The following AGBL1 variants were observed in gnomAD, a reference collection of about 807,000 sequenced individuals.
AGBL1 encodes AGBL carboxypeptidase 1.
Under a neutral mutation model 118.9 loss-of-function variants are expected in AGBL1, and 130 were observed. That is an observed-to-expected ratio of 1.09 (90% confidence interval 0.95 to 1.26). The LOEUF is 1.26. Ranked by LOEUF, AGBL1 falls within the 50% of genes most tolerant of loss-of-function variation. The pLI, the probability that AGBL1 is intolerant of heterozygous loss-of-function variation, is 0.00. For missense variants in AGBL1, 1,584 were observed against 1,298.1 expected, an observed-to-expected ratio of 1.22 and a Z score of -3.38; for synonymous variants, 555 against 478.9, an observed-to-expected ratio of 1.16 and a Z score of -2.08.
chr15:86,800,830 G>C (rs2078639026), intron 22 of AGBL1, among the ~76,000 whole-genome samples: 1 of 152,088 alleles, frequency 6.6e-6, no homozygotes, highest in Non-Finnish European at 1.5e-5. Context: ...TAAAGAAATG[G>C]AGACTGGCCC....
At chr15:86,454,214 T>C (rs2142074435) in intron 18 of AGBL1, among the ~76,000 whole-genome samples, 1 of 152,326 alleles carries the variant, frequency 6.6e-6, no homozygotes, top group Middle Eastern at 3.4e-3. Context: ...GAGAGTCCTA[T>C]GCCTGTCCAC....
chr15:86,532,208 A>G (rs2083359568), intron 19 of AGBL1, among the ~76,000 whole-genome samples: 1 of 149,346 alleles, frequency 6.7e-6, no homozygotes, highest in Admixed American at 6.6e-5. Context: ...TATCTAGAAA[A>G]CCCCATCATC....
intron 22 of AGBL1, among the ~76,000 whole-genome samples, chr15:86,762,389 C>T (rs1196402796): frequency 6.6e-6 from 1 of 151,838 alleles, no homozygotes; most frequent in African/African-American, 2.4e-5. Flanking sequence ...AAAAAATACC[C>T]CCTGCCCCCT....
At chr15:86,176,252 C>G (rs2077480226) in intron 5 of AGBL1, among the ~76,000 whole-genome samples, 1 of 152,140 alleles carries the variant, frequency 6.6e-6, no homozygotes, top group Admixed American at 6.5e-5. Flanking sequence ...CCCAAACTGG[C>G]AAGCATTATT....
At chr15:86,323,225 C>T (rs764085832) in intron 17 of AGBL1, among the ~76,000 whole-genome samples, 2 of 150,978 alleles carry the variant, frequency 1.3e-5, no homozygotes, top group Non-Finnish European at 2.9e-5. Context: ...AATGAGGGCA[C>T]CTCATCCACC....
At chr15:86,867,019 G>C (rs983530566) in intron 22 of AGBL1, among the ~76,000 whole-genome samples, 2 of 152,164 alleles carry the variant, frequency 1.3e-5, no homozygotes, top group Non-Finnish European at 2.9e-5. Context: ...GAGATGGTGA[G>C]ACACTCCTAG....
intron 18 of AGBL1, among the ~76,000 whole-genome samples, chr15:86,502,803 A>G (rs550331190): frequency 6.6e-6 from 1 of 151,338 alleles, no homozygotes; most frequent in East Asian, 1.9e-4. Flanking sequence ...CTTTTTTATA[A>G]GTTGTTAGAT....
intron 18 of AGBL1, among the ~76,000 whole-genome samples, chr15:86,499,657 T>C (rs574113136): frequency 6.6e-6 from 1 of 151,938 alleles, no homozygotes; most frequent in Non-Finnish European, 1.5e-5. Flanking sequence ...AGTTCAATTC[T>C]GGACTGGTCC....
intron 17 of AGBL1, among the ~76,000 whole-genome samples, chr15:86,390,879 A>G (rs938339153): frequency 2.0e-5 from 3 of 151,976 alleles, no homozygotes; most frequent in Non-Finnish European, 4.4e-5. Context: ...CATGTTGGCC[A>G]GGCTAGTCTT....
intron 21 of AGBL1, among the ~76,000 whole-genome samples, chr15:86,612,843 CT>C (rs1486808662): frequency 1.3e-5 from 2 of 152,148 alleles, no homozygotes; most frequent in African/African-American, 2.4e-5. Flanking sequence ...TGACAAGAAC[CT>C]TGGCTTCTGC....
At chr15:86,274,059 A>G (rs1044714589) in intron 15 of AGBL1, among the ~76,000 whole-genome samples, 1 of 152,214 alleles carries the variant, frequency 6.6e-6, no homozygotes, top group East Asian at 1.9e-4. Context: ...TATACATTTA[A>G]AAAAGTGTAT....
At chr15:86,854,736 T>C (rs2079454333) in intron 22 of AGBL1, among the ~76,000 whole-genome samples, 1 of 152,220 alleles carries the variant, frequency 6.6e-6, no homozygotes, top group Non-Finnish European at 1.5e-5. Flanking sequence ...TGACTCTTCA[T>C]GCAATTGCTT....
rs57292230 is a variant in AGBL1 at position 86,913,228 on chromosome 15, C to CACACAT, written c.*5934_*5935insACACAT. 6.7e-6 allele frequency: 1 copy of CACACAT among 149,596 alleles called. No individual in the cohort carries two copies. Among genetic ancestry groups the CACACAT allele is most frequent in the East Asian group, 1.9e-4 (1 of 5,132 alleles). The allele number at this position is 149,596 out of a possible 1,614,324, so 9.3% of individuals were successfully genotyped here. On this transcript the variant is annotated 3_prime_UTR_variant, in exon 23 of 23. Transcript: ENST00000614907. ...ACACACACACACACACACACACACA[C>CACACAT]GGCACAGGGCTTTAAGCATAACAAT...
chr15:86,300,446 G>T (rs560996990), intron 17 of AGBL1, among the ~76,000 whole-genome samples: 2 of 152,252 alleles, frequency 1.3e-5, no homozygotes, highest in African/African-American at 2.4e-5. Context: ...GAATGAATTT[G>T]TGGGAATTTT....
intron 18 of AGBL1, among the ~76,000 whole-genome samples, chr15:86,414,610 G>A (rs886797316): frequency 4.6e-5 from 7 of 152,102 alleles, no homozygotes; most frequent in Non-Finnish European, 1.0e-4. Context: ...TCTTTTAATT[G>A]TAGAAATGTT....
chr15:86,360,419 C>T (rs1173927117), intron 17 of AGBL1, among the ~76,000 whole-genome samples: 2 of 150,498 alleles, frequency 1.3e-5, no homozygotes, highest in Non-Finnish European at 3.0e-5. Context: ...GGTCATGGTG[C>T]ATGATCCCTT....
chr15:86,113,058 T>A, intron 1 of AGBL1, among the ~76,000 whole-genome samples: 1 of 152,114 alleles, frequency 6.6e-6, no homozygotes, highest in Non-Finnish European at 1.5e-5. Flanking sequence ...AAAGGAGGAA[T>A]GGTTTCTCTG....
intron 5 of AGBL1, among the ~76,000 whole-genome samples, chr15:86,201,021 A>G (rs1219760429): frequency 6.6e-6 from 1 of 152,204 alleles, no homozygotes; most frequent in Non-Finnish European, 1.5e-5. Context: ...GTAATAGTAT[A>G]ATTACAATTA....
intron 17 of AGBL1, among the ~76,000 whole-genome samples, chr15:86,314,552 T>C (rs189446635): frequency 1.4e-3 from 214 of 152,284 alleles, no homozygotes; most frequent in African/African-American, 4.9e-3. Flanking sequence ...GGTGGGTCTC[T>C]TTGCACAGAC....
Sources: gnomAD v4.1 joint callset for allele counts (sites outside exome capture counted in the v4.1 genomes callset) on GRCh38, gnomAD v4.1.1 for gene constraint, MANE v1.5 for transcripts, NCBI Gene and HGNC (gene_info 2026-07-23, HGNC 2026-07-21) for gene names.